Variants in SRBD1 observed in about 807,000 individuals in gnomAD.
SRBD1 encodes the protein S1 RNA-binding domain-containing protein 1.
In SRBD1, 88 loss-of-function variants were observed where a neutral mutation model predicts 115.3. That is an observed-to-expected ratio of 0.76 (90% CI 0.64 to 0.91). SRBD1 has a LOEUF of 0.91. SRBD1 is among the 40% of genes least tolerant of loss of function. The pLI is 0.00. For synonymous variants in SRBD1, 509 were observed against 407.7 expected (o/e 1.25, Z -2.99); for missense variants, 1,385 against 1,177.4 (o/e 1.18, Z -2.58).
Position 45,421,986 on chromosome 2 carries a change from CTT to C in SRBD1, c.2050-2094_2050-2093del, listed in dbSNP as rs1465260139. On this transcript the variant is annotated intron_variant, in intron 16 of 20. Transcript: ENST00000263736. ...GAGCCACAGCTTTTAAGAAGCTAGTCTTTTGTCTAAGCAGATGAAAAGCAGCA... is the reference window on the plus strand; with the variant it reads ...GAGCCACAGCTTTTAAGAAGCTAGTCTTGTCTAAGCAGATGAAAAGCAGCA... 4.6e-5 allele frequency among the ~76,000 whole-genome samples: 7 copies of C among 152,234 alleles called. No homozygotes were observed. The South Asian group carries it at 1.5e-3, about 32-fold the overall frequency.
At chr2:45,443,227 A>G (rs557507914) in intron 16 of SRBD1, among the ~76,000 whole-genome samples, 1 of 152,316 alleles carries the variant, frequency 6.6e-6, no homozygotes, top group East Asian at 1.9e-4. Context: ...GTATATCAAG[A>G]GGGAGATGAT....
chr2:45,427,502 A>G (rs964865625), intron 16 of SRBD1, among the ~76,000 whole-genome samples: 3 of 152,210 alleles, frequency 2.0e-5, no homozygotes, highest in Non-Finnish European at 4.4e-5. Context: ...CAGACTTTAA[A>G]CCAACAAAGA....
chr2:45,589,951 T>C (rs1049198131), intron 4 of SRBD1, among the ~76,000 whole-genome samples: 1 of 152,168 alleles, frequency 6.6e-6, no homozygotes, highest in African/African-American at 2.4e-5. Flanking sequence ...TGTATATACA[T>C]TGTTTTAAGA....
intron 7 of SRBD1, among the ~76,000 whole-genome samples, chr2:45,575,179 C>T (rs1167031122): frequency 6.6e-6 from 1 of 152,162 alleles, no homozygotes; most frequent in African/African-American, 2.4e-5. Context: ...AAAAATTATC[C>T]TTTAGAAGCA....
chr2:45,571,143 G>A (rs1672993403), intron 9 of SRBD1, among the ~76,000 whole-genome samples: 1 of 152,106 alleles, frequency 6.6e-6, no homozygotes, highest in Admixed American at 6.6e-5. Context: ...ATGCAAACAG[G>A]AAGAAAAGGC....
chr2:45,516,391 A>G (rs1353567910), intron 14 of SRBD1, among the ~76,000 whole-genome samples: 1 of 152,268 alleles, frequency 6.6e-6, no homozygotes, highest in African/African-American at 2.4e-5. Flanking sequence ...AAATATGCAC[A>G]TGCAATAAGA....
intron 16 of SRBD1, among the ~76,000 whole-genome samples, chr2:45,431,575 T>C (rs1233593823): frequency 6.6e-6 from 1 of 151,968 alleles, no homozygotes; most frequent in African/African-American, 2.4e-5. Flanking sequence ...AGTTGAACAA[T>C]GAGAACACAT....
chr2:45,561,326 A>G (rs1222903136), intron 10 of SRBD1, among the ~76,000 whole-genome samples: 2 of 152,244 alleles, frequency 1.3e-5, no homozygotes, highest in African/African-American at 4.8e-5. Context: ...AATTGGCTTA[A>G]GCAATTTACC....
chr2:45,463,851 C>T (rs1434430709), intron 16 of SRBD1, among the ~76,000 whole-genome samples: 1 of 152,140 alleles, frequency 6.6e-6, no homozygotes, highest in Admixed American at 6.5e-5. Flanking sequence ...ACACTAAAAA[C>T]TCCCTTAGGG....
At chr2:45,474,994 A>G (rs914302926) in intron 16 of SRBD1, among the ~76,000 whole-genome samples, 1 of 152,144 alleles carries the variant, frequency 6.6e-6, no homozygotes, top group African/African-American at 2.4e-5. Context: ...TAGTTTCATT[A>G]TTTGCTGAAC....
intron 14 of SRBD1, among the ~76,000 whole-genome samples, chr2:45,527,444 T>A (rs1671479809): frequency 6.6e-6 from 1 of 151,806 alleles, no homozygotes; most frequent in Admixed American, 6.6e-5. Flanking sequence ...TTAGAGAATC[T>A]CATGGAGAAT....
rs955821993 is a variant in SRBD1, at chr2:45,573,414, T to C, written c.1170-72A>G. On this transcript the variant is annotated intron_variant, in intron 8 of 20. Coordinates refer to ENST00000263736, the MANE Select transcript of SRBD1 (RefSeq NM_018079.5). The stretch of plus-strand genomic sequence containing the variant: ...TGCTTTAGTAAAGAATATATAGAAA[T>C]AAGGATAGCAAAAAAAGTTAAGCCA... 6 of 1,501,344 alleles carry C rather than the reference T, an allele frequency of 4.0e-6. No individual in the cohort carries two copies. The Admixed American group carries it at 1.3e-4, about 33-fold the overall frequency. 93.0% of individuals were successfully genotyped at this position (1,501,344 alleles called of 1,614,324 possible). A position where few individuals can be genotyped will look rare whatever the true frequency, so the allele number is the denominator to read the frequency against.
At chr2:45,449,603 GAAT>G (rs1226699844) in intron 16 of SRBD1, among the ~76,000 whole-genome samples, 2 of 152,148 alleles carry the variant, frequency 1.3e-5, no homozygotes, top group African/African-American at 4.8e-5. Flanking sequence ...TAAAATCCAG[GAAT>G]AATATTAGGA....
At position 45,470,527 on chromosome 2, in the gene SRBD1, T is replaced by G. The variant is rs75735495; in HGVS notation, c.2049+6466A>C. 6.2e-3 allele frequency among the ~76,000 whole-genome samples: 948 copies of G among 152,260 alleles called. 20 individuals are homozygous for G. Among genetic ancestry groups the G allele is most frequent in the African/African-American group, 0.022 (912 of 41,544 alleles). On this transcript the variant is annotated intron_variant, in intron 16 of 20. Coordinates refer to ENST00000263736, the MANE Select transcript of SRBD1 (RefSeq NM_018079.5). ...GTTCTGAGTCTTTCCTACTTTACTG[T>G]GTGTGTTCATTACCAAATGGAGGTG... is the stretch of plus-strand genomic sequence containing the variant.
intron 16 of SRBD1, among the ~76,000 whole-genome samples, chr2:45,456,337 TCAGA>T (rs933303470): frequency 6.6e-6 from 1 of 151,942 alleles, no homozygotes; most frequent in Non-Finnish European, 1.5e-5. Context: ...TCTGTAAGAA[TCAGA>T]CAGGATGGCC....
intron 7 of SRBD1, among the ~76,000 whole-genome samples, chr2:45,575,187 G>A (rs1258193070): frequency 6.6e-6 from 1 of 152,156 alleles, no homozygotes; most frequent in African/African-American, 2.4e-5. Flanking sequence ...TCCTTTAGAA[G>A]CAATTTCTAT....
At chr2:45,530,079 T>C (rs895469182) in intron 14 of SRBD1, among the ~76,000 whole-genome samples, 12 of 152,050 alleles carry the variant, frequency 7.9e-5, no homozygotes, top group African/African-American at 2.9e-4. Context: ...CCAAACTTCT[T>C]ATGTAGTCCT....
intron 14 of SRBD1, among the ~76,000 whole-genome samples, chr2:45,509,112 G>A (rs1049530066): frequency 6.6e-6 from 1 of 152,056 alleles, no homozygotes; most frequent in Non-Finnish European, 1.5e-5. Flanking sequence ...GGCTTGTTCT[G>A]AAGCAACATA....
chr2:45,406,206 G>A (rs1472668152), intron 19 of SRBD1, among the ~76,000 whole-genome samples: 3 of 152,136 alleles, frequency 2.0e-5, no homozygotes, highest in Non-Finnish European at 4.4e-5. Flanking sequence ...AAGTCAGGGT[G>A]GGGAAGGAAA....
Sources: allele counts gnomAD v4.1 joint callset (sites outside exome capture counted in the v4.1 genomes callset), GRCh38; gene constraint gnomAD v4.1.1; transcripts MANE v1.5; gene names NCBI Gene and HGNC (gene_info 2026-07-23, HGNC 2026-07-21).